DNAH8: variants seen among roughly 807,000 people sequenced by gnomAD.
The protein encoded by DNAH8 is axonemal beta dynein heavy chain 8.
DNAH8 carries 382 observed loss-of-function variants against 562.1 expected under a neutral mutation model. The observed-to-expected ratio is 0.68, with a 90% confidence interval of 0.63 to 0.74. DNAH8 has a LOEUF of 0.74. DNAH8 is among the 30% of genes least tolerant of loss of function. DNAH8 has a pLI of 0.00. For synonymous variants in DNAH8, 1,881 were observed against 1,919.4 expected (o/e 0.98, Z 0.52); for missense variants, 5,203 against 5,620.4 (o/e 0.93, Z 2.37).
At chr6:38,789,650 G>A (rs1769510370) in intron 18 of DNAH8, among the ~76,000 whole-genome samples, 153 bp from the exon 19 acceptor site, 1 of 152,202 alleles carries the variant, frequency 6.6e-6, no homozygotes, top group African/African-American at 2.4e-5. Flanking sequence ...TACAGAGAAA[G>A]TGTGGTAAAT....
chr6:39,002,733 A>C (rs1344714215), intron 88 of DNAH8, among the ~76,000 whole-genome samples: 3 of 152,230 alleles, frequency 2.0e-5, no homozygotes, highest in African/African-American at 7.2e-5. Context: ...TGTTCATTAA[A>C]AATCAGGTTT....
At position 38,822,508 on chromosome 6, in the gene DNAH8, C is replaced by G. The variant is rs115926016; in HGVS notation, c.3524-330C>G. The G allele has an allele frequency of 4.3e-3, 804 of 185,610 alleles. 7 individuals are homozygous for G. Among genetic ancestry groups the G allele is most frequent in the African/African-American group, 0.018 (776 of 42,512 alleles). 11.5% of individuals were successfully genotyped at this position (185,610 alleles called of 1,614,324 possible). On this transcript the variant is annotated intron_variant, in intron 26 of 92. Transcript: ENST00000327475. ...TCTCTCCTTGAACCACTGCGCTATT[C>G]CTCAGGGTGGAAATTTCAACGCTTT...
intron 52 of DNAH8, among the ~76,000 whole-genome samples, chr6:38,873,879 C>A (rs1777688778): frequency 6.6e-6 from 1 of 151,646 alleles, no homozygotes; most frequent in Non-Finnish European, 1.5e-5. Flanking sequence ...AGAAAGGGGC[C>A]TGTTGCAATC....
intron 21 of DNAH8, among the ~76,000 whole-genome samples, chr6:38,798,562 A>G (rs546572139): frequency 2.3e-4 from 35 of 152,336 alleles, no homozygotes; most frequent in Admixed American, 2.0e-3. Context: ...CTTGTTGAAC[A>G]TAAGAGGAAG....
rs1783097529 is a variant in DNAH8, at chr6:38,937,908, AGAG to A, written c.11564-65_11564-63del. On this transcript the variant is annotated intron_variant, in intron 77 of 92. Transcript: ENST00000327475. Reference sequence around the variant, plus strand: ...CTAACAGCGTTTTTTTTTTTTCAGAAGAGATGTATCTTGCTTTGCAAGTTTCCC... The same window carrying A: ...CTAACAGCGTTTTTTTTTTTTCAGAAATGTATCTTGCTTTGCAAGTTTCCC... The A allele has an allele frequency of 2.6e-6, 4 of 1,539,704 alleles. No individual in the cohort carries two copies. In the African/African-American group the frequency reaches 5.6e-5, roughly 21 times the overall value.
At chr6:38,797,641 G>C (rs1368067640) in intron 21 of DNAH8, among the ~76,000 whole-genome samples, 1 of 152,004 alleles carries the variant, frequency 6.6e-6, no homozygotes, top group Non-Finnish European at 1.5e-5. Context: ...TTACTACGCC[G>C]CTGCAAAGTC....
chr6:38,745,359 G>A (rs1435980587), intron 8 of DNAH8, among the ~76,000 whole-genome samples: 2 of 152,192 alleles, frequency 1.3e-5, no homozygotes, highest in African/African-American at 4.8e-5. Flanking sequence ...TCTAAGCAGG[G>A]TAAAATCCCA....
At chr6:38,813,497 T>C (rs775513183) in intron 24 of DNAH8, among the ~76,000 whole-genome samples, 1 of 152,086 alleles carries the variant, frequency 6.6e-6, no homozygotes, top group Non-Finnish European at 1.5e-5. Flanking sequence ...ATGGACAGTT[T>C]ACATTTATTA....
At chr6:38,975,449 C>A (rs1284596673) in intron 85 of DNAH8, among the ~76,000 whole-genome samples, 1 of 152,088 alleles carries the variant, frequency 6.6e-6, no homozygotes, top group Non-Finnish European at 1.5e-5. Context: ...CAGTGATGGG[C>A]AGAACTTCAC....
At position 39,026,649 on chromosome 6, in the gene DNAH8, G is replaced by T. The variant is rs1262963539; in HGVS notation, c.13818G>T (p.Glu4606Asp). ...AAGTTCTGAGACAGACCAAGGAGGA[G>T]ATCACGTCACCCCCTGGGGTAGGCG... ...HNEVLRQTKE[E>D]ITSPPGEGVY... The change falls in exon 92 of 93, where the codon GAG (glutamate) becomes GAT (aspartate). Residue 4606 changes from glutamate (E) to aspartate (D), a missense_variant. Coordinates refer to ENST00000327475, the MANE Select transcript of DNAH8 (RefSeq NM_001206927.2). The T allele has an allele frequency of 1.9e-6, 3 of 1,613,508 alleles. No homozygotes were observed. In the African/African-American group the frequency reaches 4.0e-5, roughly 22 times the overall value.
At chr6:38,967,038 G>A (rs1370342826) in intron 82 of DNAH8, among the ~76,000 whole-genome samples, 1 of 152,060 alleles carries the variant, frequency 6.6e-6, no homozygotes, top group African/African-American at 2.4e-5. Flanking sequence ...TGAATTTTAG[G>A]GGTACATAAA....
At chr6:38,872,816 C>T in intron 50 of DNAH8, 34 bp downstream of exon 50, 1 of 1,611,694 alleles carries the variant, frequency 6.2e-7, no homozygotes, top group Non-Finnish European at 8.5e-7. Context: ...TCATTTTTTC[C>T]CTGCTAGCGT....
At chr6:39,016,490 G>GA (rs1271204419) in intron 91 of DNAH8, among the ~76,000 whole-genome samples, 1 of 151,232 alleles carries the variant, frequency 6.6e-6, no homozygotes, top group African/African-American at 2.4e-5. Context: ...GGCGGAGCTT[G>GA]CAGTGGGCCG....
At chr6:38,715,617 A>C (rs557033733) in intron 1 of DNAH8, among the ~76,000 whole-genome samples, 1 of 152,232 alleles carries the variant, frequency 6.6e-6, no homozygotes, top group African/African-American at 2.4e-5. Flanking sequence ...CAGTCTCTAC[A>C]CTGGACATCT....
At chr6:38,887,751 A>G (rs1779047981) in intron 57 of DNAH8, among the ~76,000 whole-genome samples, 1 of 151,942 alleles carries the variant, frequency 6.6e-6, no homozygotes, top group African/African-American at 2.4e-5. Flanking sequence ...AACCTCTTAC[A>G]TACACGAGAA....
chr6:38,863,848 AC>A, intron 44 of DNAH8, 24 bp from the exon 45 acceptor site: 1 of 1,564,166 alleles, frequency 6.4e-7, no homozygotes, highest in Admixed American at 2.2e-5. Flanking sequence ...GTAAAACTTT[AC>A]AAATTAACTG....
chr6:38,998,046 C>G (rs1480073491), intron 88 of DNAH8, among the ~76,000 whole-genome samples: 1 of 152,210 alleles, frequency 6.6e-6, no homozygotes, highest in Admixed American at 6.5e-5. Context: ...GCATGAGCCA[C>G]GGTGCCCAGC....
chr6:38,740,667 T>C (rs1764451942), intron 7 of DNAH8, among the ~76,000 whole-genome samples: 1 of 152,076 alleles, frequency 6.6e-6, no homozygotes, highest in Non-Finnish European at 1.5e-5. Flanking sequence ...CAAGCTGGAG[T>C]GCAGTGGCAT....
In DNAH8 at chr6:38,807,675, G is replaced by T. The variant is rs973844360; in HGVS notation, c.3216G>T (p.Arg1072=). The stretch of plus-strand genomic sequence containing the variant: ...TAGACAGTCTTCAAAAAGCTACACG[G>T]TTATCTCTGGACACAATGAAAAGAA... ...QLLDSLQKAT[R]LSLDTMKRRI... Residue 1072 remains arginine, a synonymous_variant, in exon 24 of 93, where the codon CGG becomes CGT. Transcript: ENST00000327475. The T allele has an allele frequency of 1.9e-6, 3 of 1,564,970 alleles. No individual in the cohort carries two copies. Among genetic ancestry groups the T allele is most frequent in the African/African-American group, 2.7e-5 (2 of 72,864 alleles).
Sources: allele counts gnomAD v4.1 joint callset (sites outside exome capture counted in the v4.1 genomes callset), GRCh38; gene constraint gnomAD v4.1.1; transcripts MANE v1.5; gene names NCBI Gene and HGNC (gene_info 2026-07-23, HGNC 2026-07-21).